The following DLG1 variants were observed in gnomAD, a reference collection of about 807,000 sequenced individuals.
DLG1 encodes discs large MAGUK scaffold protein 1, also known as disks large homolog 1.
DLG1 carries 42 observed loss-of-function variants against 123.4 expected under a neutral mutation model. That is an observed-to-expected ratio of 0.34 (90% confidence interval 0.27 to 0.44). The LOEUF is 0.44. DLG1 is among the 20% of genes least tolerant of loss of function. The probability of loss-of-function intolerance (pLI) is 1.00; values close to 1 mark genes in which losing one functional copy is unlikely to be tolerated. For synonymous variants in DLG1, 317 were observed against 356.2 expected, an observed-to-expected ratio of 0.89 and a Z score of 1.24; for missense variants, 942 against 1,082.6, an observed-to-expected ratio of 0.87 and a Z score of 1.82.
chr3:197,159,495 A>G (rs1312614914), intron 5 of DLG1, among the ~76,000 whole-genome samples: 1 of 152,216 alleles, frequency 6.6e-6, no homozygotes, highest in East Asian at 1.9e-4. Flanking sequence ...GACAGACTAG[A>G]TTCTAAATCT....
intron 5 of DLG1, among the ~76,000 whole-genome samples, chr3:197,158,461 T>TAAAA (rs10573278): frequency 1.7e-5 from 2 of 118,754 alleles, no homozygotes; most frequent in African/African-American, 6.5e-5. Flanking sequence ...CGTCTCTACT[T>TAAAA]AAAAAAAAAA....
chr3:197,289,884 G>A (rs1773974259), intron 3 of DLG1, among the ~76,000 whole-genome samples: 1 of 152,198 alleles, frequency 6.6e-6, no homozygotes, highest in South Asian at 2.1e-4. Context: ...GAATACTTTA[G>A]ATACTATTAG....
chr3:197,209,301 A>G (rs1298883409), intron 4 of DLG1, among the ~76,000 whole-genome samples: 1 of 146,828 alleles, frequency 6.8e-6, no homozygotes, highest in Non-Finnish European at 1.5e-5. Context: ...AAAGAAAAAG[A>G]GATTTCAAAA....
At chr3:197,183,905 G>C in intron 5 of DLG1, 2 of 1,470,540 alleles carry the variant, frequency 1.4e-6, no homozygotes, top group Non-Finnish European at 1.8e-6. Context: ...AATTACAGCA[G>C]CATCACTTGT....
intron 5 of DLG1, among the ~76,000 whole-genome samples, chr3:197,169,252 A>G (rs1802896849): frequency 6.6e-6 from 1 of 152,232 alleles, no homozygotes; most frequent in Admixed American, 6.5e-5. Flanking sequence ...CTTTTATTAA[A>G]GCCTTTTCTG....
intron 24 of DLG1, among the ~76,000 whole-genome samples, chr3:197,045,827 T>A (rs1290753259): frequency 6.6e-6 from 1 of 152,152 alleles, no homozygotes; most frequent in African/African-American, 2.4e-5. Context: ...TACAAAAAAA[T>A]GCCCAGTGAT....
At chr3:197,106,806 T>C (rs1455747190) in intron 13 of DLG1, among the ~76,000 whole-genome samples, 3 of 152,206 alleles carry the variant, frequency 2.0e-5, no homozygotes, top group African/African-American at 7.2e-5. Flanking sequence ...CTGAGAGAGA[T>C]ACTTGTATAA....
chr3:197,067,183 G>T (rs1740191005), intron 19 of DLG1, among the ~76,000 whole-genome samples: 2 of 151,808 alleles, frequency 1.3e-5, no homozygotes, highest in Non-Finnish European at 2.9e-5. Flanking sequence ...CTACAATACT[G>T]AATACAGTAT....
chr3:197,148,373 T>C (rs569789845), intron 6 of DLG1, among the ~76,000 whole-genome samples: 2 of 128,812 alleles, frequency 1.6e-5, no homozygotes, highest in African/African-American at 6.1e-5. Context: ...ATTGTGCCAA[T>C]GCACTCCAGC....
intron 16 of DLG1, among the ~76,000 whole-genome samples, chr3:197,083,426 A>C (rs1469632398): frequency 6.6e-6 from 1 of 152,210 alleles, no homozygotes; most frequent in East Asian, 1.9e-4. Flanking sequence ...TACTACTTTA[A>C]AAAGCTCTTA....
intron 4 of DLG1, among the ~76,000 whole-genome samples, chr3:197,220,860 T>C (rs1363524437): frequency 6.6e-6 from 1 of 152,210 alleles, no homozygotes; most frequent in East Asian, 1.9e-4. Flanking sequence ...AATGAGAAAG[T>C]ACATTTCATC....
intron 9 of DLG1, among the ~76,000 whole-genome samples, chr3:197,137,609 TA>T (rs1489193339): frequency 6.6e-6 from 1 of 152,114 alleles, no homozygotes; most frequent in Non-Finnish European, 1.5e-5. Flanking sequence ...ATAAAAATCA[TA>T]AAAAACTTAT....
intron 5 of DLG1, among the ~76,000 whole-genome samples, chr3:197,154,350 T>C (rs918702720): frequency 6.6e-6 from 1 of 151,074 alleles, no homozygotes; most frequent in African/African-American, 2.4e-5. Context: ...AAAAACCTGA[T>C]AGCAAATCTA....
intron 17 of DLG1, among the ~76,000 whole-genome samples, chr3:197,077,445 C>G (rs1397957560): frequency 6.6e-6 from 1 of 151,950 alleles, no homozygotes; most frequent in African/African-American, 2.4e-5. Flanking sequence ...GTCTCCTGAC[C>G]AACGTGAATG....
intron 15 of DLG1, among the ~76,000 whole-genome samples, chr3:197,087,328 C>T (rs1754989088): frequency 6.7e-6 from 1 of 148,160 alleles, no homozygotes; most frequent in South Asian, 2.1e-4. Flanking sequence ...TAGTTTTTTG[C>T]AGCCTTTTTT....
At chr3:197,083,537 CAG>C (rs1035564381) in intron 16 of DLG1, among the ~76,000 whole-genome samples, 4 of 152,278 alleles carry the variant, frequency 2.6e-5, no homozygotes, top group South Asian at 2.1e-4. Context: ...CCCACAAAAG[CAG>C]AGACACTCAA....
rs1204813889 is a variant in DLG1, at chr3:197,130,539, C to A, written c.1153G>T (p.Asp385Tyr). 4 of 1,601,054 alleles carry A rather than the reference C, an allele frequency of 2.5e-6. No homozygotes were observed. In the Admixed American group the frequency reaches 5.1e-5, roughly 21 times the overall value. ...CTAACAGACTTACAGTTGGTGATAT[C>A]AGGTGGTGCATAGCCATCATTCATA... ...MYMNDGYAPPDITNSSSQPVD... is the reference protein window; with the variant it reads ...MYMNDGYAPPYITNSSSQPVD... Residue 385 changes from aspartate (D) to tyrosine (Y), a missense_variant, in exon 11 of 25, where the codon GAT becomes TAT. Asp to Tyr is a radical substitution (Grantham distance 160). Transcript: ENST00000667157.
intron 5 of DLG1, among the ~76,000 whole-genome samples, chr3:197,165,429 T>C (rs983630984): frequency 3.3e-5 from 5 of 152,208 alleles, no homozygotes; most frequent in Admixed American, 1.3e-4. Context: ...GTTCTGAAGA[T>C]TGAGAGTGAT....
chr3:197,127,006 T>A (rs1335502411), intron 11 of DLG1, among the ~76,000 whole-genome samples: 1 of 152,196 alleles, frequency 6.6e-6, no homozygotes, highest in Non-Finnish European at 1.5e-5. Flanking sequence ...AGATCTTTAT[T>A]ATTTACGGGT....
Sources: allele counts gnomAD v4.1 joint callset (sites outside exome capture counted in the v4.1 genomes callset), GRCh38; gene constraint gnomAD v4.1.1; transcripts MANE v1.5; gene names NCBI Gene and HGNC (gene_info 2026-07-23, HGNC 2026-07-21).